CRTC3: variants seen among roughly 807,000 people sequenced by gnomAD.
CRTC3 encodes the protein CREB-regulated transcription coactivator 3.
In CRTC3, 26 loss-of-function variants were observed where a neutral mutation model predicts 74.5. The ratio of observed to expected loss-of-function variants is 0.35; its 90% CI spans 0.26 to 0.48. The LOEUF (loss-of-function observed/expected upper bound fraction) is 0.48. Ranked by LOEUF, CRTC3 falls within the 20% of genes least tolerant of loss-of-function variation. The pLI is 0.99. For synonymous variants in CRTC3, 377 were observed against 325.8 expected, an observed-to-expected ratio of 1.16 and a Z score of -1.69; for missense variants, 760 against 787.3, an observed-to-expected ratio of 0.97 and a Z score of 0.41.
intron 2 of CRTC3, among the ~76,000 whole-genome samples, chr15:90,555,485 T>G (rs1029551870): frequency 5.9e-5 from 9 of 152,186 alleles, no homozygotes; most frequent in Non-Finnish European, 1.3e-4. Flanking sequence ...CACAAAGACG[T>G]TAACTCTAGT....
At chr15:90,535,338 C>G (rs1044774327) in intron 1 of CRTC3, among the ~76,000 whole-genome samples, 3 of 152,066 alleles carry the variant, frequency 2.0e-5, no homozygotes, top group African/African-American at 7.2e-5. Context: ...GGAATGCCGA[C>G]CAGCTGAGCC....
chr15:90,595,714 G>C (rs1022002487), intron 3 of CRTC3: 2 of 151,892 alleles, frequency 1.3e-5, no homozygotes, highest in Admixed American at 1.3e-4. Flanking sequence ...TTTGAAGTAC[G>C]GTCTAAATGT....
chr15:90,585,058 T>G (rs1967628783), intron 2 of CRTC3, among the ~76,000 whole-genome samples: 1 of 152,254 alleles, frequency 6.6e-6, no homozygotes, highest in Non-Finnish European at 1.5e-5. Flanking sequence ...GTCAGGTGTC[T>G]TAGCAAGACT....
chr15:90,602,366 C>G lies in CRTC3; in HGVS notation c.394C>G (p.Leu132Val), dbSNP rs1968092529. ...TGGAGCCAATTATTCCTCACAGCCT[C>G]TGGATGAGAGTTGGCCAAGGTAAGC... is the stretch of plus-strand genomic sequence containing the variant. ...AFGANYSSQP[L>V]DESWPRQQPP... The change falls in exon 4 of 15, where the codon CTG (leucine) becomes GTG (valine). Residue 132 changes from leucine (L) to valine (V), a missense_variant. Leu to Val is a conservative substitution (Grantham distance 32, BLOSUM62 1). Coordinates refer to ENST00000268184, the MANE Select transcript of CRTC3 (RefSeq NM_022769.5). 2 of 1,599,114 alleles carry G rather than the reference C, an allele frequency of 1.3e-6. No homozygotes were observed. The highest frequency in any genetic ancestry group is 1.3e-5 in the African/African-American group (1 of 74,592).
chr15:90,636,955 G>A (rs1172646303), intron 11 of CRTC3, among the ~76,000 whole-genome samples: 7 of 152,134 alleles, frequency 4.6e-5, no homozygotes, highest in Non-Finnish European at 7.3e-5. Flanking sequence ...CACTGTTGGT[G>A]GGACTGTAAA....
chr15:90,602,972 C>CA (rs1968115904), intron 4 of CRTC3, among the ~76,000 whole-genome samples: 1 of 151,572 alleles, frequency 6.6e-6, no homozygotes, highest in Non-Finnish European at 1.5e-5. Context: ...GACTCCATCT[C>CA]AAAAAACAAA....
chr15:90,639,974 G>A (rs1044127114), intron 13 of CRTC3, among the ~76,000 whole-genome samples: 4 of 152,046 alleles, frequency 2.6e-5, no homozygotes, highest in East Asian at 2.0e-4. Context: ...GCGTGAAGCC[G>A]GGAGGCGGAG....
At chr15:90,616,353 C>G (rs991073209) in intron 7 of CRTC3, among the ~76,000 whole-genome samples, 14 of 152,268 alleles carry the variant, frequency 9.2e-5, no homozygotes, top group Non-Finnish European at 2.1e-4. Context: ...TTAATTCATT[C>G]TAGAAGTCCA....
chr15:90,539,764 C>T, intron 1 of CRTC3: 1 of 359,900 alleles, frequency 2.8e-6, no homozygotes, highest in South Asian at 3.1e-5. Flanking sequence ...AAAGATTATG[C>T]CAGTGTATCC....
Position 90,602,404 on chromosome 15 carries a change from A to G in CRTC3, c.413+19A>G, listed in dbSNP as rs373626102. 5.8e-6 allele frequency: 8 copies of G among 1,369,602 alleles called. No individual in the cohort carries two copies. Among genetic ancestry groups the G allele is most frequent in the African/African-American group, 1.4e-5 (1 of 69,996 alleles). 84.8% of individuals were successfully genotyped at this position (1,369,602 alleles called of 1,614,324 possible). On this transcript the variant is annotated intron_variant, in intron 4 of 14. Transcript: ENST00000268184. ...GGCCAAGGTAAGCAAGACATACTTT[A>G]AAAGATATGATGGGCATGTGTTATT...
At chr15:90,553,587 G>A (rs1966867693) in intron 2 of CRTC3, among the ~76,000 whole-genome samples, 1 of 152,100 alleles carries the variant, frequency 6.6e-6, no homozygotes, top group Admixed American at 6.5e-5. Flanking sequence ...TAGAAGGGGC[G>A]GGGAAACGTT....
rs1320581284 is a variant in CRTC3, at chr15:90,641,187, A to C, written c.1639A>C (p.Thr547Pro). ...TTCCAACTGCGGGAGTCTCCCGAAC[A>C]CCATCCTGCCAGGTGAGCGAGCTAT... ...PYSNCGSLPN[T>P]ILPEDSSTSL... The change falls in exon 14 of 15, where the codon ACC (threonine) becomes CCC (proline). Residue 547 changes from threonine (T) to proline (P), a missense_variant. Around this residue, in one of 2 missense-constraint regions of CRTC3, gnomAD observed 652 missense variants for 635.2 expected, o/e 1.03. Coordinates refer to ENST00000268184, the MANE Select transcript of CRTC3 (RefSeq NM_022769.5). 1 of 1,611,324 alleles carries C rather than the reference A, an allele frequency of 6.2e-7. No homozygotes were observed. The highest frequency in any genetic ancestry group is 1.3e-5 in the African/African-American group (1 of 74,768).
chr15:90,608,202 A>T (rs1968275209), intron 6 of CRTC3, among the ~76,000 whole-genome samples: 1 of 152,172 alleles, frequency 6.6e-6, no homozygotes, highest in South Asian at 2.1e-4. Flanking sequence ...AGGCCCACTC[A>T]TGCCATCTCA....
At chr15:90,548,473 A>G (rs1029119244) in intron 2 of CRTC3, among the ~76,000 whole-genome samples, 32 of 152,200 alleles carry the variant, frequency 2.1e-4, no homozygotes, top group African/African-American at 7.5e-4. Flanking sequence ...TCGCATAGCA[A>G]GTAAGTAAGA....
At chr15:90,576,241 AATAT>A (rs1435617256) in intron 2 of CRTC3, among the ~76,000 whole-genome samples, 3 of 152,162 alleles carry the variant, frequency 2.0e-5, no homozygotes, top group Non-Finnish European at 4.4e-5. Context: ...CCATCTCTAA[AATAT>A]AAATAAATAA....
At chr15:90,636,542 C>A (rs897038077) in intron 11 of CRTC3, among the ~76,000 whole-genome samples, 4 of 151,510 alleles carry the variant, frequency 2.6e-5, no homozygotes, top group Admixed American at 2.0e-4. Context: ...GCAACAAAAG[C>A]CAAAATTAAC....
intron 3 of CRTC3, chr15:90,600,395 A>G (rs1410365560): frequency 2.1e-5 from 3 of 139,964 alleles, no homozygotes; most frequent in Non-Finnish European, 3.1e-5. Context: ...GAGCCCGAGC[A>G]GATGGTACCT....
Position 90,576,741 on chromosome 15 carries a change from A to C in CRTC3, c.232-16895A>C, listed in dbSNP as rs148686727. On this transcript the variant is annotated intron_variant, in intron 2 of 14. Coordinates refer to ENST00000268184, the MANE Select transcript of CRTC3 (RefSeq NM_022769.5). ...ATAGAGCAAACTGTCAGTAATTTCC[A>C]GTGTTCCAAGAGGTCAGGAGCTGAA... Among the ~76,000 whole-genome samples, 72 of 152,326 alleles carry C rather than the reference A, an allele frequency of 4.7e-4. 1 individual carries two copies. Among genetic ancestry groups the C allele is most frequent in the African/African-American group, 1.7e-3 (69 of 41,572 alleles).
rs769257780 is a variant in CRTC3, at chr15:90,642,103, C to T, written c.1823C>T (p.Pro608Leu). 5 of 1,613,910 alleles carry T rather than the reference C, an allele frequency of 3.1e-6. No homozygotes were observed. The highest frequency in any genetic ancestry group is 4.2e-6 in the Non-Finnish European group (5 of 1,180,028). ...LSDSSMGLLD[P>L]SVEETFRADR... is the part of the protein sequence containing the mutation. ...GACTCCAGCATGGGCCTGCTGGACCCCTCTGTTGAAGAGACGTTTCGAGCT... is the reference window on the plus strand; with the variant it reads ...GACTCCAGCATGGGCCTGCTGGACCTCTCTGTTGAAGAGACGTTTCGAGCT... The change falls in exon 15 of 15, where the codon CCC becomes CTC. Residue 608 changes from proline (P) to leucine (L), a missense_variant. Transcript: ENST00000268184.
Sources: gnomAD v4.1 joint callset for allele counts (sites outside exome capture counted in the v4.1 genomes callset) on GRCh38, gnomAD v4.1.1 for gene constraint, gnomAD v4.1.1 regional missense constraint, MANE v1.5 for transcripts, NCBI Gene and HGNC (gene_info 2026-07-23, HGNC 2026-07-21) for gene names.